The following ABHD2 variants were observed in gnomAD, a reference collection of about 807,000 sequenced individuals.
ABHD2 encodes monoacylglycerol lipase ABHD2.
ABHD2 carries 20 observed loss-of-function variants against 48.1 expected under a neutral mutation model. That is an observed-to-expected ratio of 0.42 (90% CI 0.29 to 0.60). The LOEUF (loss-of-function observed/expected upper bound fraction) is 0.60, where lower values mean the gene tolerates loss of function less well. Ranked by LOEUF, ABHD2 falls within the 20% of genes least tolerant of loss-of-function variation. The probability of loss-of-function intolerance (pLI) is 0.24; values close to 1 mark genes in which losing one functional copy is unlikely to be tolerated. For synonymous variants in ABHD2, 209 were observed against 214.2 expected, an observed-to-expected ratio of 0.98 and a Z score of 0.21; for missense variants, 405 against 550.9, an observed-to-expected ratio of 0.74 and a Z score of 2.65.
rs567079998 is a variant in ABHD2, at chr15:89,101,178, T to A, written c.-106-12547T>A. ...TTTAGCTTTGAATATATTTCTTTAT[T>A]TGTGAGACAGCAGTTTCTGGAGTAG... On this transcript the variant is annotated intron_variant, in intron 1 of 10. Transcript: ENST00000352732. 4.6e-5 allele frequency among the ~76,000 whole-genome samples: 7 copies of A among 152,344 alleles called. No homozygotes were observed. The South Asian group carries it at 1.5e-3, about 32-fold the overall frequency.
chr15:89,083,387 T>C (rs749794219), upstream of ABHD2, among the ~76,000 whole-genome samples: 3 of 152,226 alleles, frequency 2.0e-5, no homozygotes, highest in Non-Finnish European at 4.4e-5. This position sits in a 1 kb window ranked among gnomAD's most constrained non-coding sequence, Gnocchi z 5.1. Context: ...GAATGCATGG[T>C]GACTAAGAAG....
At position 89,200,781 on chromosome 15, in the gene ABHD2, C is replaced by T; in HGVS notation, c.*5358C>T. Reference sequence around the variant, plus strand: ...TGCTTTGCTCTACAAGACGAATTTCCCTAGAAAGAATCCAATGAAGGCCGG... The same window carrying T: ...TGCTTTGCTCTACAAGACGAATTTCTCTAGAAAGAATCCAATGAAGGCCGG... On this transcript the variant is annotated 3_prime_UTR_variant, in exon 11 of 11. Coordinates refer to ENST00000352732, the MANE Select transcript of ABHD2 (RefSeq NM_152924.5). The T allele has an allele frequency of 3.9e-6, 1 of 255,978 alleles. No individual in the cohort carries two copies. The highest frequency in any genetic ancestry group is 7.8e-6 in the Non-Finnish European group (1 of 128,420). 15.9% of individuals were successfully genotyped at this position (255,978 alleles called of 1,614,324 possible).
intron 3 of ABHD2, among the ~76,000 whole-genome samples, chr15:89,129,558 T>A (rs2050187062): frequency 6.6e-6 from 1 of 151,994 alleles, no homozygotes; most frequent in Admixed American, 6.5e-5. Flanking sequence ...CCAAATTGAT[T>A]GAAGGTTTTT....
Position 89,188,809 on chromosome 15 carries a change from G to T in ABHD2, c.926+506G>T, listed in dbSNP as rs999851965. Among the ~76,000 whole-genome samples, 1 of 151,764 alleles carries T rather than the reference G, an allele frequency of 6.6e-6. No individual in the cohort carries two copies. Among genetic ancestry groups the T allele is most frequent in the Admixed American group, 6.6e-5 (1 of 15,234 alleles). On this transcript the variant is annotated intron_variant, in intron 8 of 10. Transcript: ENST00000352732. This position sits in a 1 kb window ranked among gnomAD's most constrained non-coding sequence, Gnocchi z 4.1. Reference sequence around the variant, plus strand: ...GGGAAAGATCGCTTGAGCCCAGGAGGTTGAAGCTGCAGTGAGCCATGTTCA... The same window carrying T: ...GGGAAAGATCGCTTGAGCCCAGGAGTTTGAAGCTGCAGTGAGCCATGTTCA...
At chr15:89,112,292 C>G (rs1368843026) in intron 1 of ABHD2, among the ~76,000 whole-genome samples, 1 of 152,138 alleles carries the variant, frequency 6.6e-6, no homozygotes, top group Non-Finnish European at 1.5e-5. Context: ...TATCTGAAAT[C>G]TCCTGGTGTT....
chr15:89,192,286 T>C (rs2051319542), intron 9 of ABHD2, among the ~76,000 whole-genome samples: 1 of 152,190 alleles, frequency 6.6e-6, no homozygotes, highest in Non-Finnish European at 1.5e-5. Context: ...TGTTGAGCTG[T>C]CTAGAGCCAA....
intron 3 of ABHD2, among the ~76,000 whole-genome samples, chr15:89,131,438 G>C (rs927798710): frequency 2.0e-5 from 3 of 152,152 alleles, no homozygotes; most frequent in African/African-American, 7.2e-5. Flanking sequence ...ATAGCATCTG[G>C]TGTGGCCTTG....
chr15:89,105,246 C>T (rs780561293), intron 1 of ABHD2, among the ~76,000 whole-genome samples: 6 of 152,150 alleles, frequency 3.9e-5, no homozygotes, highest in Non-Finnish European at 8.8e-5. Context: ...TAAAAGTGCC[C>T]GATTAAATGT....
At chr15:89,125,790 C>T (rs1227339964) in intron 3 of ABHD2, among the ~76,000 whole-genome samples, 4 of 152,150 alleles carry the variant, frequency 2.6e-5, no homozygotes, top group Non-Finnish European at 4.4e-5. Flanking sequence ...AGAAAAGTGC[C>T]GCCATCTTTG....
At chr15:89,048,177 T>G in the ABHD2 span, among the ~76,000 whole-genome samples, 1 of 150,710 alleles carries the variant, frequency 6.6e-6, no homozygotes, top group Non-Finnish European at 1.5e-5. Flanking sequence ...TGGCTGGATA[T>G]GAAATTCTGG....
chr15:89,155,487 G>T lies in ABHD2; in HGVS notation c.491G>T (p.Gly164Val). 6.2e-7 allele frequency: 1 copy of T among 1,614,104 alleles called. No individual in the cohort carries two copies. The highest frequency in any genetic ancestry group is 8.5e-7 in the Non-Finnish European group (1 of 1,180,000). Reference sequence around the variant, plus strand: ...CGGTGCGCCGTGCTGAACCACCTGGGTGCCCTGCCCAACATTGAATTGACC... The same window carrying T: ...CGGTGCGCCGTGCTGAACCACCTGGTTGCCCTGCCCAACATTGAATTGACC... Reference protein sequence around the residue: ...GYRCAVLNHLGALPNIELTSP... With the variant: ...GYRCAVLNHLVALPNIELTSP... Residue 164 changes from glycine (G) to valine (V), a missense_variant, in exon 5 of 11, where the codon GGT (glycine) becomes GTT (valine). By Grantham distance (109) the Gly-to-Val change is moderately radical (BLOSUM62 -3). Coordinates refer to ENST00000352732, the MANE Select transcript of ABHD2 (RefSeq NM_152924.5). The surrounding 1 kb of genome is among the most constrained non-coding windows in gnomAD (Gnocchi z 4.9).
At chr15:89,107,440 T>A (rs913700642) in intron 1 of ABHD2, among the ~76,000 whole-genome samples, 7 of 151,748 alleles carry the variant, frequency 4.6e-5, no homozygotes, top group African/African-American at 1.2e-4. Context: ...TAGGAAGGAG[T>A]ATGTTTTGTG....
At chr15:89,124,952 G>A (rs1179796241) in intron 3 of ABHD2, among the ~76,000 whole-genome samples, 1 of 152,220 alleles carries the variant, frequency 6.6e-6, no homozygotes, top group Admixed American at 6.5e-5. Context: ...GGCCGGGCAT[G>A]GTGGCAGGTG....
At position 89,198,526 on chromosome 15, in the gene ABHD2, T is replaced by C. The variant is rs1439859638; in HGVS notation, c.*3103T>C. ...AAGCAGAAAGCTGTTGGTTACAATA[T>C]TCTTTTAACCTCTCTGCAGCATTTT... On this transcript the variant is annotated 3_prime_UTR_variant, in exon 11 of 11. Transcript: ENST00000352732. The surrounding 1 kb of genome is among the most constrained non-coding windows in gnomAD (Gnocchi z 5.1). 3.3e-5 allele frequency: 5 copies of C among 152,246 alleles called. No individual in the cohort carries two copies. Among genetic ancestry groups the C allele is most frequent in the African/African-American group, 1.2e-4 (5 of 41,470 alleles). The allele number at this position is 152,246 out of a possible 1,614,324, so 9.4% of individuals were successfully genotyped here. A position where few individuals can be genotyped will look rare whatever the true frequency, so the allele number is the denominator to read the frequency against.
At chr15:89,051,677 G>T in the ABHD2 span, among the ~76,000 whole-genome samples, 1 of 152,166 alleles carries the variant, frequency 6.6e-6, no homozygotes, top group East Asian at 1.9e-4. Flanking sequence ...AAGATCTGAT[G>T]GTTTTATAAA....
chr15:89,052,483 G>C, the ABHD2 span, among the ~76,000 whole-genome samples: 8 of 151,614 alleles, frequency 5.3e-5, no homozygotes, highest in Non-Finnish European at 1.0e-4. Context: ...AATTCAATAT[G>C]ACTGCTGTCT....
At chr15:89,171,465 T>C (rs2050926828) in intron 5 of ABHD2, among the ~76,000 whole-genome samples, 1 of 152,212 alleles carries the variant, frequency 6.6e-6, no homozygotes, top group Non-Finnish European at 1.5e-5. Flanking sequence ...GCTTTTCCAA[T>C]TCACTCTTTA....
At position 89,199,978 on chromosome 15, in the gene ABHD2, C is replaced by T. The variant is rs1323775741; in HGVS notation, c.*4555C>T. On this transcript the variant is annotated 3_prime_UTR_variant, in exon 11 of 11. Coordinates refer to ENST00000352732, the MANE Select transcript of ABHD2 (RefSeq NM_152924.5). This position sits in a 1 kb window ranked among gnomAD's most constrained non-coding sequence, Gnocchi z 4.1. ...TCCTTCCCCTCTGCTGCTGCTGCCTCGGAACGCTGCAGCCCAGGCTTCCTC... is the reference window on the plus strand; with the variant it reads ...TCCTTCCCCTCTGCTGCTGCTGCCTTGGAACGCTGCAGCCCAGGCTTCCTC... The T allele has an allele frequency of 1.3e-5, 2 of 152,612 alleles. No individual in the cohort carries two copies. The highest frequency in any genetic ancestry group is 1.5e-5 in the Non-Finnish European group (1 of 68,052). The allele number at this position is 152,612 out of a possible 1,614,324, so 9.5% of individuals were successfully genotyped here.
chr15:89,131,148 T>C (rs1363983998), intron 3 of ABHD2, among the ~76,000 whole-genome samples: 2 of 152,222 alleles, frequency 1.3e-5, no homozygotes, highest in Non-Finnish European at 2.9e-5. Flanking sequence ...CATCATGCCA[T>C]GCCCCTGCTT....
Sources: gnomAD v4.1 joint callset for allele counts (sites outside exome capture counted in the v4.1 genomes callset) on GRCh38, gnomAD v4.1.1 for gene constraint, Gnocchi (gnomAD v3.1) non-coding constraint, MANE v1.5 for transcripts, NCBI Gene and HGNC (gene_info 2026-07-23, HGNC 2026-07-21) for gene names.